Variants in REV1 observed in about 807,000 individuals in gnomAD.
REV1 encodes REV1 DNA directed polymerase.
Under a neutral mutation model 137.4 loss-of-function variants are expected in REV1, and 42 were observed. That is an observed-to-expected ratio of 0.31 (90% confidence interval 0.24 to 0.40). The LOEUF is 0.40. Among genes scored for constraint, REV1 ranks in the 10% least tolerant of loss-of-function variants. REV1 has a pLI of 1.00. For missense variants in REV1, 1,282 were observed against 1,490.1 expected (o/e 0.86, Z 2.30); for synonymous variants, 524 against 519.2 (o/e 1.01, Z -0.12).
intron 11 of REV1, among the ~76,000 whole-genome samples, chr2:99,420,149 T>C (rs1575035195): frequency 6.6e-6 from 1 of 152,204 alleles, no homozygotes; most frequent in South Asian, 2.1e-4. Context: ...CCAATGTCTG[T>C]GGGCCAACAT....
At chr2:99,486,214 T>C (rs1283003841) in intron 1 of REV1, among the ~76,000 whole-genome samples, 3 of 152,204 alleles carry the variant, frequency 2.0e-5, no homozygotes, top group Non-Finnish European at 2.9e-5. Context: ...TAATTTCAAA[T>C]AGTTCCTAGA....
chr2:99,485,907 T>G (rs531908399), intron 1 of REV1, among the ~76,000 whole-genome samples: 109 of 152,122 alleles, frequency 7.2e-4, no homozygotes, highest in African/African-American at 2.6e-3. Flanking sequence ...GGCAGGAGAC[T>G]GTAGCCCAAG....
rs914209097 is a variant in REV1, at chr2:99,404,697, T to C, written c.2812-20A>G. 7.7e-6 allele frequency: 12 copies of C among 1,559,218 alleles called. No individual in the cohort carries two copies. In the East Asian group the frequency reaches 1.6e-4, roughly 20 times the overall value. On this transcript the variant is annotated intron_variant, in intron 17 of 22. Transcript: ENST00000258428. Reference sequence around the variant, plus strand: ...ATCCAGCTATAAAATGCCAAACATATGAGTAGGAAGTTAAAGCATGCTCAG... The same window carrying C: ...ATCCAGCTATAAAATGCCAAACATACGAGTAGGAAGTTAAAGCATGCTCAG...
At chr2:99,402,426 C>G (rs755120481) in intron 21 of REV1, 80 bp from the exon 22 acceptor site, 1 of 825,136 alleles carries the variant, frequency 1.2e-6, no homozygotes, top group Non-Finnish European at 2.0e-6. Context: ...TAAAGGAAAA[C>G]TGCATTTCTA....
At chr2:99,409,844 A>G (rs1265073012) in intron 14 of REV1, among the ~76,000 whole-genome samples, 2 of 116,236 alleles carry the variant, frequency 1.7e-5, no homozygotes, top group Non-Finnish European at 3.6e-5. Context: ...CTCTGTCTCA[A>G]AACAAACAAC....
At chr2:99,428,409 A>C (rs1354885259) in intron 9 of REV1, among the ~76,000 whole-genome samples, 3 of 152,224 alleles carry the variant, frequency 2.0e-5, no homozygotes, top group African/African-American at 7.2e-5. Flanking sequence ...ATTTAAAGTA[A>C]GTTTCAATTC....
At chr2:99,454,176 G>A (rs1022417985) in intron 3 of REV1, among the ~76,000 whole-genome samples, 1 of 150,762 alleles carries the variant, frequency 6.6e-6, no homozygotes, top group Admixed American at 6.6e-5. Flanking sequence ...GATCATTTGA[G>A]GCCATGAGTT....
intron 3 of REV1, among the ~76,000 whole-genome samples, chr2:99,456,131 A>G (rs1048879027): frequency 5.9e-5 from 9 of 152,250 alleles, no homozygotes; most frequent in African/African-American, 1.9e-4. Context: ...GCAGGCCTCA[A>G]ATGTGGCCCA....
chr2:99,403,923 T>G, intron 18 of REV1, 108 bp from the exon 19 acceptor site: 2 of 1,364,284 alleles, frequency 1.5e-6, no homozygotes. Context: ...TTTTCTGATC[T>G]GTACGAATTC....
chr2:99,421,426 A>AC, intron 11 of REV1, 73 bp downstream of exon 11: 14 of 1,435,904 alleles, frequency 9.7e-6, no homozygotes, highest in African/African-American at 1.4e-5. Context: ...AAAAAGAAAA[A>AC]CTCCATAAAA....
intron 22 of REV1, 41 bp from the exon 23 acceptor site, chr2:99,401,393 A>G: frequency 7.5e-7 from 1 of 1,332,924 alleles, no homozygotes; most frequent in Non-Finnish European, 1.1e-6. Flanking sequence ...GGAATTAGGA[A>G]AGGTCCTTAA....
At chr2:99,473,755 G>A (rs771457519) in intron 1 of REV1, among the ~76,000 whole-genome samples, 1 of 152,096 alleles carries the variant, frequency 6.6e-6, no homozygotes, top group African/African-American at 2.4e-5. Flanking sequence ...AGAATTCAAA[G>A]AACTTCAATC....
chr2:99,478,318 C>T (rs1330777716), intron 1 of REV1, among the ~76,000 whole-genome samples: 1 of 152,200 alleles, frequency 6.6e-6, no homozygotes, highest in East Asian at 1.9e-4. Flanking sequence ...AACACCTTCC[C>T]CTCAATTTTC....
At chr2:99,456,457 T>C (rs899072510) in intron 3 of REV1, among the ~76,000 whole-genome samples, 3 of 152,078 alleles carry the variant, frequency 2.0e-5, no homozygotes, top group African/African-American at 7.2e-5. Flanking sequence ...CTGTTTTAGA[T>C]AGGTGAAGTC....
chr2:99,485,011 C>T (rs979915271), intron 1 of REV1, among the ~76,000 whole-genome samples: 1 of 152,088 alleles, frequency 6.6e-6, no homozygotes, highest in Non-Finnish European at 1.5e-5. Flanking sequence ...TAATAACTCA[C>T]AATTATTAAA....
rs972707259 is a variant in REV1, at chr2:99,438,733, T to C, written c.1081A>G (p.Ile361Val). 9 of 1,614,008 alleles carry C rather than the reference T, an allele frequency of 5.6e-6. No homozygotes were observed. In the African/African-American group the frequency reaches 1.1e-4, roughly 19 times the overall value. The stretch of plus-strand genomic sequence containing the variant: ...GTCAATTCACACTTCCACATTGATA[T>C]GTGATGCAGTCTTGAATGAGAATAG... ...NFYSHSRLHH[I>V]SMWKCELTEF... The change falls in exon 6 of 23, where the codon ATA becomes GTA. Residue 361 changes from isoleucine to valine, a missense_variant. Ile to Val is a conservative substitution (Grantham distance 29, BLOSUM62 3). Transcript: ENST00000258428.
chr2:99,449,053 T>C (rs1682592982), intron 4 of REV1, among the ~76,000 whole-genome samples: 1 of 152,148 alleles, frequency 6.6e-6, no homozygotes, highest in Admixed American at 6.5e-5. Context: ...AGGCCAAGGC[T>C]GGAGGACTGT....
At chr2:99,452,086 T>C (rs1682990671) in intron 3 of REV1, among the ~76,000 whole-genome samples, 1 of 152,134 alleles carries the variant, frequency 6.6e-6, no homozygotes, top group African/African-American at 2.4e-5. Flanking sequence ...TTCATTTTTG[T>C]ATTTAACACT....
chr2:99,409,474 T>TA (rs1401717932), intron 14 of REV1, among the ~76,000 whole-genome samples: 1 of 152,216 alleles, frequency 6.6e-6, no homozygotes, highest in Non-Finnish European at 1.5e-5. Flanking sequence ...AAATGACATG[T>TA]AAAACCACAC....
Sources: allele counts gnomAD v4.1 joint callset (sites outside exome capture counted in the v4.1 genomes callset), GRCh38; gene constraint gnomAD v4.1.1; transcripts MANE v1.5; gene names NCBI Gene and HGNC (gene_info 2026-07-23, HGNC 2026-07-21).